The following PDE3B variants were observed in gnomAD, a reference collection of about 807,000 sequenced individuals.
PDE3B encodes cGMP-inhibited 3',5'-cyclic phosphodiesterase 3B.
Under a neutral mutation model 116.8 loss-of-function variants are expected in PDE3B, and 66 were observed. The ratio of observed to expected loss-of-function variants is 0.56; its 90% CI spans 0.46 to 0.69. The LOEUF (loss-of-function observed/expected upper bound fraction) is 0.69. PDE3B is among the 30% of genes least tolerant of loss of function. The pLI, the probability that PDE3B is intolerant of heterozygous loss-of-function variation, is 0.00. For missense variants in PDE3B, 1,384 were observed against 1,368.1 expected (o/e 1.01, Z -0.18); for synonymous variants, 595 against 533.6 (o/e 1.12, Z -1.59).
At chr11:14,891,577 C>T in the PDE3B span, 1 of 1,034,718 alleles carries the variant, frequency 9.7e-7, no homozygotes, top group Non-Finnish European at 1.2e-6. Flanking sequence ...TTCCGACAAG[C>T]CGCGTGCAGC....
At chr11:14,666,088 T>C (rs893761540) in intron 1 of PDE3B, among the ~76,000 whole-genome samples, 1 of 151,180 alleles carries the variant, frequency 6.6e-6, no homozygotes, top group African/African-American at 2.4e-5. Context: ...AACAGAGATA[T>C]AGATCAATGG....
chr11:14,677,838 G>T (rs758843081), intron 1 of PDE3B, among the ~76,000 whole-genome samples: 3 of 152,160 alleles, frequency 2.0e-5, no homozygotes, highest in Admixed American at 6.6e-5. Context: ...ATGCCTTTGA[G>T]ATTCATCCGA....
chr11:14,889,666 G>A, the PDE3B span, among the ~76,000 whole-genome samples: 3 of 152,166 alleles, frequency 2.0e-5, no homozygotes, highest in African/African-American at 7.2e-5. Context: ...AGGGGACTTA[G>A]AAAACCCCCT....
chr11:14,656,976 A>G (rs1853733129), intron 1 of PDE3B, among the ~76,000 whole-genome samples: 1 of 152,230 alleles, frequency 6.6e-6, no homozygotes, highest in African/African-American at 2.4e-5. Context: ...AACAGTGGTC[A>G]GTATTTAGGA....
At chr11:14,652,937 T>G (rs1853609088) in intron 1 of PDE3B, among the ~76,000 whole-genome samples, 1 of 152,244 alleles carries the variant, frequency 6.6e-6, no homozygotes, top group South Asian at 2.1e-4. Context: ...GATTTATTTG[T>G]ATATTAATTT....
At chr11:14,747,829 AT>A (rs1260582083) in intron 1 of PDE3B, among the ~76,000 whole-genome samples, 1 of 152,230 alleles carries the variant, frequency 6.6e-6, no homozygotes, top group Non-Finnish European at 1.5e-5. Context: ...TGTAATATAC[AT>A]ATTTAAGTAG....
intron 12 of PDE3B, among the ~76,000 whole-genome samples, chr11:14,846,597 C>A (rs902179012): frequency 4.6e-5 from 7 of 152,148 alleles, no homozygotes; most frequent in African/African-American, 1.7e-4. Context: ...GGAAACCCAT[C>A]TCATGTGCAG....
the PDE3B span, among the ~76,000 whole-genome samples, chr11:14,898,816 T>G: frequency 2.0e-5 from 3 of 152,176 alleles, no homozygotes; most frequent in Non-Finnish European, 4.4e-5. Context: ...GAAATCAAGT[T>G]GCTTGCTTCT....
intron 5 of PDE3B, among the ~76,000 whole-genome samples, chr11:14,811,950 A>G (rs1036315942): frequency 4.6e-5 from 7 of 152,136 alleles, no homozygotes; most frequent in South Asian, 4.1e-4. Flanking sequence ...TTTGTCTGTT[A>G]TTGGTGTATA....
intron 1 of PDE3B, among the ~76,000 whole-genome samples, chr11:14,683,313 G>GT (rs144450931): frequency 0.013 from 1,944 of 151,080 alleles, 39 homozygotes; most frequent in African/African-American, 0.044. Context: ...TTTTCTTTTT[G>GT]TTTTTTTGGA....
intron 13 of PDE3B, 69 bp downstream of exon 13, chr11:14,859,315 TTTAATG>T: frequency 9.1e-7 from 1 of 1,096,788 alleles, no homozygotes; most frequent in Non-Finnish European, 1.3e-6. Flanking sequence ...AAATATGTTT[TTTAATG>T]TTAAGTTAGA....
intron 1 of PDE3B, among the ~76,000 whole-genome samples, chr11:14,757,831 G>T (rs907325832): frequency 1.4e-4 from 21 of 149,740 alleles, no homozygotes; most frequent in East Asian, 1.4e-3. Context: ...GTCAATTTTG[G>T]CTTTTGTTGC....
chr11:14,840,820 C>T (rs922614370), intron 11 of PDE3B, among the ~76,000 whole-genome samples: 5 of 152,186 alleles, frequency 3.3e-5, no homozygotes, highest in African/African-American at 1.2e-4. Flanking sequence ...CTAAGAGCTT[C>T]CTTGGATGCT....
At chr11:14,669,812 G>A (rs1854311834) in intron 1 of PDE3B, among the ~76,000 whole-genome samples, 2 of 152,076 alleles carry the variant, frequency 1.3e-5, no homozygotes, top group South Asian at 4.2e-4. Context: ...GTAAACAAAG[G>A]GTAGAGGAGT....
intron 12 of PDE3B, among the ~76,000 whole-genome samples, chr11:14,848,392 G>GTAT (rs1847660559): frequency 6.8e-6 from 1 of 147,550 alleles, no homozygotes; most frequent in African/African-American, 2.5e-5. Context: ...ATACTGAATG[G>GTAT]GCAAAAACTG....
rs192957542 is a variant in PDE3B at position 14,840,861 on chromosome 11, T to C, written c.2321-2966T>C. On this transcript the variant is annotated intron_variant, in intron 11 of 15. Coordinates refer to ENST00000282096, the MANE Select transcript of PDE3B (RefSeq NM_000922.4). ...ACTTAGAAGGAAAAATATTTTAAAA[T>C]TGGAGTTTTTAATTGGACAAGGTGT... Among the ~76,000 whole-genome samples the C allele has an allele frequency of 1.0e-3, 157 of 152,262 alleles. 1 individual carries two copies. The highest frequency in any genetic ancestry group is 1.6e-3 in the Non-Finnish European group (112 of 67,992).
chr11:14,645,183 G>GA, intron 1 of PDE3B, 130 bp downstream of exon 1: 1 of 453,110 alleles, frequency 2.2e-6, no homozygotes, highest in Non-Finnish European at 3.7e-6. Context: ...TTGCGGGGGG[G>GA]GGGGGGGAGG....
chr11:14,663,838 A>G (rs1854023954), intron 1 of PDE3B, among the ~76,000 whole-genome samples: 1 of 152,196 alleles, frequency 6.6e-6, no homozygotes, highest in Admixed American at 6.5e-5. Context: ...TTAACACCCC[A>G]CTGTCAACAT....
intron 1 of PDE3B, among the ~76,000 whole-genome samples, chr11:14,645,302 C>T (rs1391698900): frequency 6.6e-6 from 1 of 151,638 alleles, no homozygotes; most frequent in Non-Finnish European, 1.5e-5. Flanking sequence ...CCGCTAATCA[C>T]ATGGCACTTT....
Sources: gnomAD v4.1 joint callset for allele counts (sites outside exome capture counted in the v4.1 genomes callset) on GRCh38, gnomAD v4.1.1 for gene constraint, MANE v1.5 for transcripts, NCBI Gene and HGNC (gene_info 2026-07-23, HGNC 2026-07-21) for gene names.